Variants in ATP8B1 observed in about 807,000 individuals in gnomAD.
ATP8B1 encodes ATPase phospholipid transporting 8B1, also known as phospholipid-transporting ATPase IC.
In ATP8B1, 80 loss-of-function variants were observed where a neutral mutation model predicts 149.9. That is an observed-to-expected ratio of 0.53 (90% CI 0.45 to 0.64). The LOEUF (loss-of-function observed/expected upper bound fraction) is 0.64. Ranked by LOEUF, ATP8B1 falls within the 30% of genes least tolerant of loss-of-function variation. ATP8B1 has a pLI of 0.00. For missense variants in ATP8B1, 1,247 were observed against 1,552.6 expected (o/e 0.80, Z 3.31); for synonymous variants, 536 against 562.8 (o/e 0.95, Z 0.67).
At chr18:57,671,428 G>C in intron 17 of ATP8B1, 40 bp downstream of exon 17, 1 of 1,497,638 alleles carries the variant, frequency 6.7e-7, no homozygotes, top group Non-Finnish European at 9.3e-7. Flanking sequence ...CAGAGAGTAA[G>C]TTCAGAATCC....
rs1171866475 is a variant in ATP8B1 at position 57,768,582 on chromosome 18, A to G, written c.-26+34416T>C. ...CTAAAAGGCCATTTTTACTGTTTACATGCCAAAAAAAAAAAAAAAAAGCTA... is the reference window on the plus strand; with the variant it reads ...CTAAAAGGCCATTTTTACTGTTTACGTGCCAAAAAAAAAAAAAAAAAGCTA... On this transcript the variant is annotated intron_variant, in intron 1 of 27. Transcript: ENST00000648908. 6.8e-5 allele frequency among the ~76,000 whole-genome samples: 6 copies of G among 88,476 alleles called. No individual in the cohort carries two copies. In the Admixed American group the frequency reaches 6.9e-4, roughly 10 times the overall value. The allele number at this position is 88,476 out of a possible 152,430, so 58.0% of individuals were successfully genotyped here.
intron 15 of ATP8B1, 147 bp from the exon 16 acceptor site, chr18:57,675,169 G>T: frequency 1.3e-6 from 1 of 752,328 alleles, no homozygotes; most frequent in Non-Finnish European, 2.2e-6. Context: ...GACTTGGAAG[G>T]GTTATGCCAA....
intron 1 of ATP8B1, among the ~76,000 whole-genome samples, chr18:57,761,946 A>C (rs1359157907): frequency 2.2e-5 from 1 of 46,112 alleles, no homozygotes; most frequent in African/African-American, 9.3e-5. Flanking sequence ...AAGACTGTTA[A>C]AAAAAAAAAA....
chr18:57,681,528 T>C (rs1911970104), intron 15 of ATP8B1, among the ~76,000 whole-genome samples: 1 of 152,076 alleles, frequency 6.6e-6, no homozygotes, highest in Non-Finnish European at 1.5e-5. Flanking sequence ...TGGCAGGGTG[T>C]GGTGGCTCAC....
chr18:57,648,882 G>GTGTGTGTGTGTGTGTATGTGTA (rs61181992), intron 27 of ATP8B1, among the ~76,000 whole-genome samples, 170 bp from the exon 28 acceptor site: 8 of 134,664 alleles, frequency 5.9e-5, no homozygotes, highest in African/African-American at 2.4e-4. Flanking sequence ...GTGTGTGTGT[G>GTGTGTGTGTGTGTGTATGTGTA]TGTGTATGTG....
intron 2 of ATP8B1, among the ~76,000 whole-genome samples, chr18:57,729,412 T>G (rs943957238): frequency 6.6e-6 from 1 of 152,202 alleles, no homozygotes; most frequent in African/African-American, 2.4e-5. Context: ...ATTCACTGTT[T>G]GGGCAATCAA....
intron 1 of ATP8B1, among the ~76,000 whole-genome samples, chr18:57,749,329 C>A (rs552440203): frequency 2.2e-4 from 32 of 145,708 alleles, no homozygotes; most frequent in Middle Eastern, 6.9e-3. Context: ...AAATGTAAAG[C>A]CAATCAAAAT....
At chr18:57,731,389 A>C in intron 2 of ATP8B1, 4 of 360,838 alleles carry the variant, frequency 1.1e-5, no homozygotes, top group South Asian at 2.5e-5. Flanking sequence ...ACACTAACAA[A>C]GACCTTAATG....
rs71171056 is a variant in ATP8B1 at position 57,649,190 on chromosome 18, ATATC to A, written c.3532-482_3532-479del. On this transcript the variant is annotated intron_variant, in intron 27 of 27. Transcript: ENST00000648908. ...CAGGCATGAACCACAGTGCTTGGCT[ATATC>A]TATCTATCTATCTATCTATCTATCT... Among the ~76,000 whole-genome samples the A allele has an allele frequency of 5.3e-3, 782 of 148,214 alleles. 5 individuals are homozygous for A. The highest frequency in any genetic ancestry group is 0.018 in the African/African-American group (708 of 40,132).
chr18:57,759,099 TG>T (rs1463494377), intron 1 of ATP8B1, among the ~76,000 whole-genome samples: 1 of 140,350 alleles, frequency 7.1e-6, no homozygotes, highest in African/African-American at 2.8e-5. Context: ...GAGGTTGCAA[TG>T]AGCTGAGATT....
intron 1 of ATP8B1, among the ~76,000 whole-genome samples, chr18:57,738,251 AG>A (rs2079878196): frequency 6.6e-6 from 1 of 152,254 alleles, no homozygotes; most frequent in Admixed American, 6.5e-5. Flanking sequence ...CAAGGTGCAG[AG>A]TACTACACTA....
intron 4 of ATP8B1, among the ~76,000 whole-genome samples, chr18:57,701,787 C>G (rs1913139655): frequency 6.6e-6 from 1 of 151,946 alleles, no homozygotes; most frequent in South Asian, 2.1e-4. Flanking sequence ...CCTCCGCCTC[C>G]CAGGCTCAAG....
intron 1 of ATP8B1, among the ~76,000 whole-genome samples, chr18:57,762,141 A>T (rs199572345): frequency 0.012 from 1,482 of 126,788 alleles, 23 homozygotes; most frequent in African/African-American, 0.027. Context: ...ATATATATAT[A>T]TTTTTTTTTT....
At chr18:57,703,887 A>T (rs1012882366) in intron 4 of ATP8B1, among the ~76,000 whole-genome samples, 1 of 152,232 alleles carries the variant, frequency 6.6e-6, no homozygotes, top group African/African-American at 2.4e-5. Flanking sequence ...GGGGAAATTC[A>T]GCATCTAACT....
intron 1 of ATP8B1, among the ~76,000 whole-genome samples, chr18:57,790,893 G>A (rs550131724): frequency 6.8e-4 from 104 of 152,032 alleles, no homozygotes; most frequent in Middle Eastern, 3.4e-3. Context: ...GCTAATTTTT[G>A]TATTTTTTAG....
chr18:57,764,419 CTCTT>C (rs34664757), intron 1 of ATP8B1, among the ~76,000 whole-genome samples: 2 of 145,306 alleles, frequency 1.4e-5, no homozygotes, highest in South Asian at 2.2e-4. Flanking sequence ...CTCTCTTTCT[CTCTT>C]TCTTTCTTTC....
intron 17 of ATP8B1, among the ~76,000 whole-genome samples, chr18:57,670,802 G>T (rs1458486340): frequency 4.6e-5 from 7 of 152,104 alleles, no homozygotes; most frequent in Non-Finnish European, 1.0e-4. Context: ...TCCCTCTGGG[G>T]TTCAAGCGAT....
At chr18:57,729,287 A>G (rs969230469) in intron 2 of ATP8B1, among the ~76,000 whole-genome samples, 1 of 152,144 alleles carries the variant, frequency 6.6e-6, no homozygotes, top group Non-Finnish European at 1.5e-5. Flanking sequence ...GACCCCATGG[A>G]GCCAATTCTC....
intron 22 of ATP8B1, among the ~76,000 whole-genome samples, chr18:57,657,729 T>G (rs1169086229): frequency 6.6e-6 from 1 of 152,222 alleles, no homozygotes; most frequent in Non-Finnish European, 1.5e-5. Flanking sequence ...AACAAGCCAC[T>G]GAGGAAAATG....
Sources: allele counts gnomAD v4.1 joint callset (sites outside exome capture counted in the v4.1 genomes callset), GRCh38; gene constraint gnomAD v4.1.1; transcripts MANE v1.5; gene names NCBI Gene and HGNC (gene_info 2026-07-23, HGNC 2026-07-21).